KAZN: variants seen among roughly 807,000 people sequenced by gnomAD.
KAZN encodes kazrin.
A neutral mutation model predicts 87.4 loss-of-function variants in KAZN; 40 were observed. The observed-to-expected ratio is 0.46, with a 90% CI of 0.36 to 0.60. The LOEUF is 0.60. Among genes scored for constraint, KAZN ranks in the 20% least tolerant of loss-of-function variants. KAZN has a pLI of 0.00. For missense variants in KAZN, 898 were observed against 1,073.9 expected (o/e 0.84, Z 2.29); for synonymous variants, 466 against 458.3 (o/e 1.02, Z -0.22).
At chr1:14,117,930 T>C (rs2157565) in intron 1 of KAZN, among the ~76,000 whole-genome samples, 29,946 of 152,138 alleles carry the variant, frequency 0.2, 3,566 homozygotes, top group African/African-American at 0.33. Context: ...TGATTCATCA[T>C]TGATGAGCAC....
At chr1:15,074,345 G>A (rs16851236) in intron 8 of KAZN, among the ~76,000 whole-genome samples, 13,751 of 152,260 alleles carry the variant, frequency 0.09, 697 homozygotes, top group East Asian at 0.25. Flanking sequence ...GCAGCTGAGA[G>A]GCAGTATGTG....
At chr1:14,626,808 C>T (rs1679175556) in intron 1 of KAZN, among the ~76,000 whole-genome samples, 1 of 152,186 alleles carries the variant, frequency 6.6e-6, no homozygotes, top group Non-Finnish European at 1.5e-5. Context: ...TCCTCGAAGC[C>T]TTTTCCAGAC....
chr1:14,140,042 G>A (rs911511785), intron 1 of KAZN, among the ~76,000 whole-genome samples: 2 of 151,636 alleles, frequency 1.3e-5, no homozygotes, highest in African/African-American at 4.8e-5. Flanking sequence ...CACCATATAG[G>A]CATCCATGAA....
chr1:14,137,484 G>A (rs1015122500), intron 1 of KAZN, among the ~76,000 whole-genome samples: 1 of 152,164 alleles, frequency 6.6e-6, no homozygotes, highest in Non-Finnish European at 1.5e-5. Flanking sequence ...GAGCTTTGGA[G>A]CCACACTGCT....
chr1:14,154,952 T>TCC lies in KAZN; in HGVS notation c.92-25483_92-25482insCC, dbSNP rs1383738179. ...TTCATCAGAGATTGGCTTGTAGTTT[T>TCC]TCTTCCTTCCTTCCTTCCTTCCTTC... On this transcript the variant is annotated intron_variant, in intron 1 of 16. Transcript: ENST00000636203. Among the ~76,000 whole-genome samples the TCC allele has an allele frequency of 1.3e-4, 18 of 133,998 alleles. No homozygotes were observed. The East Asian group carries it at 2.2e-3, about 17-fold the overall frequency. 87.9% of individuals were successfully genotyped at this position (133,998 alleles called of 152,430 possible). A position where few individuals can be genotyped will look rare whatever the true frequency, so the allele number is the denominator to read the frequency against.
intron 1 of KAZN, among the ~76,000 whole-genome samples, chr1:14,792,974 CAA>C (rs1338876410): frequency 4.6e-5 from 5 of 108,908 alleles, no homozygotes; most frequent in Non-Finnish European, 3.6e-5. Context: ...GACTCTGTCT[CAA>C]AAAAAAAAAA....
chr1:15,056,363 C>G lies in KAZN; in HGVS notation c.916+83C>G. ...TCTGACCCAGTGGGAGAGGCAGCTG[C>G]TTTGTTCGTACTACAGCAGCTTGGG... is the stretch of plus-strand genomic sequence containing the variant. On this transcript the variant is annotated intron_variant, in intron 5 of 14. Transcript: ENST00000376030. This position sits in a 1 kb window ranked among gnomAD's most constrained non-coding sequence, Gnocchi z 5.4. The G allele has an allele frequency of 1.4e-6, 2 of 1,396,162 alleles. No homozygotes were observed. Among genetic ancestry groups the G allele is most frequent in the South Asian group, 1.4e-5 (1 of 73,434 alleles). The allele number at this position is 1,396,162 out of a possible 1,614,324, so 86.5% of individuals were successfully genotyped here.
chr1:14,689,741 A>C (rs1419488438), intron 1 of KAZN, among the ~76,000 whole-genome samples: 1 of 152,162 alleles, frequency 6.6e-6, no homozygotes, highest in African/African-American at 2.4e-5. Flanking sequence ...AGAGAAGCCC[A>C]CCCCTCAGGG....
chr1:14,191,870 T>G (rs767202065), intron 2 of KAZN, among the ~76,000 whole-genome samples: 1 of 152,054 alleles, frequency 6.6e-6, no homozygotes, highest in Non-Finnish European at 1.5e-5. Context: ...GACAGAATGC[T>G]AGGACTCCCT....
chr1:14,784,099 A>G (rs550224565), intron 1 of KAZN, among the ~76,000 whole-genome samples: 3 of 152,152 alleles, frequency 2.0e-5, no homozygotes, highest in African/African-American at 7.2e-5. Flanking sequence ...TCTGGAACGC[A>G]CAGGGCAGGC....
At chr1:14,834,113 G>A (rs150899131) in intron 1 of KAZN, among the ~76,000 whole-genome samples, 9,149 of 151,736 alleles carry the variant, frequency 0.06, 375 homozygotes, top group Non-Finnish European at 0.078. Context: ...TCAGCTCACC[G>A]CAACCTCTGC....
chr1:15,095,113 C>T (rs1231265653), intron 10 of KAZN, among the ~76,000 whole-genome samples, 180 bp downstream of exon 10: 1 of 152,006 alleles, frequency 6.6e-6, no homozygotes, highest in African/African-American at 2.4e-5. Flanking sequence ...CCCAGCCCTG[C>T]TCTGGGCCAG....
chr1:15,057,281 T>C (rs546419147), intron 5 of KAZN, among the ~76,000 whole-genome samples: 1 of 152,234 alleles, frequency 6.6e-6, no homozygotes, highest in African/African-American at 2.4e-5. Flanking sequence ...AGTTTCCTCA[T>C]GTGTAAAAGG....
At position 14,932,657 on chromosome 1, in the gene KAZN, G is replaced by A. The variant is rs1019120008; in HGVS notation, c.227-28027G>A. ...TCTTAGCTTGGGAAGCCTGAGATGT[G>A]TGTTTTTCCACCGACAAGATGTGTG... On this transcript the variant is annotated intron_variant, in intron 1 of 14. Transcript: ENST00000376030. Among the ~76,000 whole-genome samples, 8 of 152,208 alleles carry A rather than the reference G, an allele frequency of 5.3e-5. 1 individual carries two copies. In the South Asian group the frequency reaches 1.2e-3, roughly 24 times the overall value.
chr1:14,822,551 C>T (rs961368050), intron 1 of KAZN, among the ~76,000 whole-genome samples: 7 of 152,158 alleles, frequency 4.6e-5, no homozygotes, highest in Admixed American at 3.9e-4. Flanking sequence ...TCTCTCAGCC[C>T]CTCCCTCCTG....
At chr1:14,061,061 A>C (rs909900893) in intron 1 of KAZN, among the ~76,000 whole-genome samples, 9 of 152,166 alleles carry the variant, frequency 5.9e-5, no homozygotes, top group African/African-American at 2.2e-4. Context: ...AAAAATCTAG[A>C]AGCACAATGG....
At chr1:14,174,339 G>A (rs975252140) in intron 1 of KAZN, among the ~76,000 whole-genome samples, 1 of 152,200 alleles carries the variant, frequency 6.6e-6, no homozygotes, top group Non-Finnish European at 1.5e-5. Flanking sequence ...ATGGGGAGTA[G>A]AGAGGGAACT....
chr1:14,389,497 C>T (rs1662237296), intron 2 of KAZN, among the ~76,000 whole-genome samples: 2 of 152,046 alleles, frequency 1.3e-5, no homozygotes, highest in African/African-American at 2.4e-5. Context: ...GTTACACATA[C>T]ACAATGGAGT....
At chr1:14,019,524 C>G (rs1473059827) in intron 1 of KAZN, among the ~76,000 whole-genome samples, 1 of 152,178 alleles carries the variant, frequency 6.6e-6, no homozygotes, top group East Asian at 1.9e-4. Context: ...TCCAGGTCCC[C>G]TTTCCTCCAC....
Sources: gnomAD v4.1 joint callset for allele counts (sites outside exome capture counted in the v4.1 genomes callset) on GRCh38, gnomAD v4.1.1 for gene constraint, Gnocchi (gnomAD v3.1) non-coding constraint, MANE v1.5 for transcripts, NCBI Gene and HGNC (gene_info 2026-07-23, HGNC 2026-07-21) for gene names.